Variants in MEF2B observed in about 807,000 individuals in gnomAD.
The protein encoded by MEF2B is myocyte enhancer factor 2B, also known as myocyte-specific enhancer factor 2B.
In MEF2B, 15 loss-of-function variants were observed where a neutral mutation model predicts 32.2. That is an observed-to-expected ratio of 0.47 (90% CI 0.31 to 0.72). The LOEUF (loss-of-function observed/expected upper bound fraction) is 0.72. MEF2B is among the 30% of genes least tolerant of loss of function. The pLI, the probability that MEF2B is intolerant of heterozygous loss-of-function variation, is 0.05. For synonymous variants in MEF2B, 205 were observed against 225.6 expected (o/e 0.91, Z 0.82); for missense variants, 441 against 511.5 (o/e 0.86, Z 1.33).
At chr19:19,163,816 G>A (rs1176632478) in intron 1 of MEF2B, among the ~76,000 whole-genome samples, 1 of 151,538 alleles carries the variant, frequency 6.6e-6, no homozygotes, top group Non-Finnish European at 1.5e-5. Context: ...CCTCCACATG[G>A]CTAATTTTTT....
chr19:19,152,442 A>G (rs1248517480), intron 1 of MEF2B, among the ~76,000 whole-genome samples: 1 of 151,734 alleles, frequency 6.6e-6, no homozygotes, highest in Non-Finnish European at 1.5e-5. Flanking sequence ...GTGGTAGCTC[A>G]TGCCTGTAAT....
intron 1 of MEF2B, among the ~76,000 whole-genome samples, chr19:19,162,322 G>A (rs2060170778): frequency 6.6e-6 from 1 of 151,656 alleles, no homozygotes; most frequent in South Asian, 2.1e-4. Context: ...TTGTAGAGAA[G>A]GGGCTTCATT....
At chr19:19,164,930 G>T (rs907272812) in intron 1 of MEF2B, among the ~76,000 whole-genome samples, 1 of 152,192 alleles carries the variant, frequency 6.6e-6, no homozygotes, top group Non-Finnish European at 1.5e-5. Context: ...TCCCTGCGGG[G>T]CCTCAGAAAT....
intron 1 of MEF2B, among the ~76,000 whole-genome samples, chr19:19,169,264 G>T (rs1473177056): frequency 6.6e-6 from 1 of 151,644 alleles, no homozygotes; most frequent in South Asian, 2.1e-4. Context: ...TGAGGGAGGA[G>T]AATTGTTTGA....
At chr19:19,158,375 G>C (rs1435481637) in intron 1 of MEF2B, among the ~76,000 whole-genome samples, 1 of 96 alleles carries the variant, frequency 0.01, no homozygotes, top group South Asian at 0.5. Context: ...GCGTGAGCAT[G>C]GGCGCCCCCG....
intron 1 of MEF2B, among the ~76,000 whole-genome samples, chr19:19,161,342 C>T (rs1007723791): frequency 6.6e-6 from 1 of 151,932 alleles, no homozygotes; most frequent in African/African-American, 2.4e-5. Flanking sequence ...GAAATATTCC[C>T]CACACACGGA....
chr19:19,149,977 C>T (rs1055842330), intron 2 of MEF2B, among the ~76,000 whole-genome samples: 1 of 146,406 alleles, frequency 6.8e-6, no homozygotes, highest in African/African-American at 2.5e-5. Context: ...CCCAGCTGTT[C>T]GGAAAGCTGA....
At position 19,147,784 on chromosome 19, in the gene MEF2B, C is replaced by A; in HGVS notation, c.307G>T (p.Asp103Tyr). 1 of 1,613,880 alleles carries A rather than the reference C, an allele frequency of 6.2e-7. No individual in the cohort carries two copies. ...TCTCCTGGCTCCTCAGGCCCTTCAT[C>A]CGGCTCCAGCTCTGGCCCATCGAGG... ...IGLDGPELEP[D>Y]EGPEEPGEKF... Residue 103 changes from aspartate to tyrosine, a missense_variant, in exon 4 of 9, where the codon GAT (aspartate) becomes TAT (tyrosine). Coordinates refer to ENST00000424583, the MANE Select transcript of MEF2B (RefSeq NM_001145785.2).
At chr19:19,156,406 T>G (rs538910397) in intron 1 of MEF2B, among the ~76,000 whole-genome samples, 1 of 149,276 alleles carries the variant, frequency 6.7e-6, no homozygotes. Context: ...AAAAAAAAAA[T>G]TTTTTTTTTA....
At chr19:19,153,214 C>T (rs1273812603) in intron 1 of MEF2B, among the ~76,000 whole-genome samples, 1 of 152,074 alleles carries the variant, frequency 6.6e-6, no homozygotes, top group East Asian at 1.9e-4. Flanking sequence ...TCTGTCTGTC[C>T]CCATTTTAGA....
chr19:19,151,958 A>ATTTT (rs201703145), intron 1 of MEF2B, among the ~76,000 whole-genome samples: 18 of 116,576 alleles, frequency 1.5e-4, no homozygotes, highest in African/African-American at 4.0e-4. Flanking sequence ...CCCCATCTCT[A>ATTTT]TTTTTTTTTT....
intron 2 of MEF2B, 142 bp downstream of exon 2, chr19:19,150,540 A>AG: frequency 2.6e-6 from 3 of 1,132,790 alleles, no homozygotes; most frequent in Non-Finnish European, 3.6e-6. Flanking sequence ...AAAAAAAAAA[A>AG]AAAGAAAGGC....
At chr19:19,148,029 A>C (rs1288567252) in intron 3 of MEF2B, among the ~76,000 whole-genome samples, 197 bp from the exon 4 acceptor site, 1 of 152,242 alleles carries the variant, frequency 6.6e-6, no homozygotes, top group Non-Finnish European at 1.5e-5. Context: ...CTGGGACCGA[A>C]AAGCCCAAGG....
intron 1 of MEF2B, among the ~76,000 whole-genome samples, chr19:19,169,831 T>A (rs2146392243): frequency 6.6e-6 from 1 of 152,088 alleles, no homozygotes. Flanking sequence ...GCGCTAATGC[T>A]AAAGGAGTGC....
chr19:19,157,184 C>CT (rs1463982846), intron 1 of MEF2B: 1 of 173,308 alleles, frequency 5.8e-6, no homozygotes, highest in African/African-American at 2.4e-5. Context: ...GGATAATCCT[C>CT]TGGCATCTAC....
chr19:19,158,798 G>A (rs989996893), intron 1 of MEF2B, among the ~76,000 whole-genome samples: 5 of 151,214 alleles, frequency 3.3e-5, no homozygotes, highest in African/African-American at 7.3e-5. Flanking sequence ...TTAGCCAGGC[G>A]TGGTGGTGCA....
intron 1 of MEF2B, among the ~76,000 whole-genome samples, chr19:19,151,839 C>T (rs192311537): frequency 5.2e-4 from 79 of 152,232 alleles, no homozygotes; most frequent in South Asian, 5.2e-3. Context: ...AAATCCAGAT[C>T]AGGCCGGTCA....
chr19:19,168,015 C>G (rs938011189), intron 1 of MEF2B, among the ~76,000 whole-genome samples: 12 of 152,190 alleles, frequency 7.9e-5, no homozygotes, highest in African/African-American at 2.9e-4. Context: ...AAGCTTCCCC[C>G]TTTACTGAAC....
chr19:19,147,830 C>T lies in MEF2B; in HGVS notation c.261G>A (p.Thr87=), dbSNP rs745895987. The T allele has an allele frequency of 8.7e-6, 14 of 1,612,918 alleles. No individual in the cohort carries two copies. Among genetic ancestry groups the T allele is most frequent in the Middle Eastern group, 1.7e-4 (1 of 6,054 alleles). Reference sequence around the variant, plus strand: ...CGAGGCCAATGCCCCTCCGCTTCAGCGTCTATGGGGACAGGAGACAACAGG... The same window carrying T: ...CGAGGCCAATGCCCCTCCGCTTCAGTGTCTATGGGGACAGGAGACAACAGG... ...ESRTNTDILE[T]LKRRGIGLDG... is the part of the protein sequence containing the mutation. The change falls in exon 4 of 9, where the codon ACG becomes ACA. Residue 87 remains threonine, a splice_region_variant and synonymous_variant. Coordinates refer to ENST00000424583, the MANE Select transcript of MEF2B (RefSeq NM_001145785.2).
Sources: gnomAD v4.1 joint callset for allele counts (sites outside exome capture counted in the v4.1 genomes callset) on GRCh38, gnomAD v4.1.1 for gene constraint, MANE v1.5 for transcripts, NCBI Gene and HGNC (gene_info 2026-07-23, HGNC 2026-07-21) for gene names.